The following BCL9 variants were observed in gnomAD, a reference collection of about 807,000 sequenced individuals.
The protein encoded by BCL9 is BCL9 transcription coactivator.
Under a neutral mutation model 88.5 loss-of-function variants are expected in BCL9, and 25 were observed. That is an observed-to-expected ratio of 0.28 (90% CI 0.21 to 0.39). The LOEUF (loss-of-function observed/expected upper bound fraction) is 0.39, where lower values mean the gene tolerates loss of function less well. Ranked by LOEUF, BCL9 falls within the 10% of genes least tolerant of loss-of-function variation. BCL9 has a pLI of 1.00. For synonymous variants in BCL9, 711 were observed against 673.3 expected (o/e 1.06, Z -0.87); for missense variants, 1,817 against 1,877.8 (o/e 0.97, Z 0.60).
intron 1 of BCL9, among the ~76,000 whole-genome samples, chr1:147,573,558 G>T (rs1407254813): frequency 6.6e-6 from 1 of 152,170 alleles, no homozygotes; most frequent in African/African-American, 2.4e-5. Context: ...GTGATTGAGA[G>T]GATAGGCTCC....
At chr1:147,568,227 T>G (rs1233881444) in intron 1 of BCL9, among the ~76,000 whole-genome samples, 4 of 152,208 alleles carry the variant, frequency 2.6e-5, no homozygotes, top group African/African-American at 9.7e-5. Flanking sequence ...GGGGAAGCAT[T>G]GTGGTCAGAT....
At chr1:147,574,829 C>T (rs1452415591) in intron 1 of BCL9, among the ~76,000 whole-genome samples, 1 of 152,086 alleles carries the variant, frequency 6.6e-6, no homozygotes, top group African/African-American at 2.4e-5. Context: ...AACCCTGTGA[C>T]AAAAAAGATA....
rs1322845529 is a variant in BCL9, at chr1:147,547,444, A to G, written c.-478+5770A>G. 3.3e-5 allele frequency among the ~76,000 whole-genome samples: 5 copies of G among 152,174 alleles called. No individual in the cohort carries two copies. In the East Asian group the frequency reaches 9.6e-4, roughly 29 times the overall value. On this transcript the variant is annotated intron_variant, in intron 1 of 9. Transcript: ENST00000234739. ...AGAACTCCAGAGTAAATTTTCTGCC[A>G]TGTTTTAGGAATATCATCTTGCTTG...
rs782552851 is a variant in BCL9, at chr1:147,619,106, C to T, written c.951C>T (p.Val317=). The change falls in exon 8 of 10, where the codon GTC becomes GTT. Residue 317 remains valine (V), a synonymous_variant. Transcript: ENST00000234739. This position sits in a 1 kb window ranked among gnomAD's most constrained non-coding sequence, Gnocchi z 4.1. ...STPNNRAVTP[V]SQGSNSSSAD... ...CCAACAATAGGGCAGTGACCCCTGTCTCCCAGGGGAGCAATAGCTCTTCAG... is the reference window on the plus strand; with the variant it reads ...CCAACAATAGGGCAGTGACCCCTGTTTCCCAGGGGAGCAATAGCTCTTCAG... The T allele has an allele frequency of 8.7e-6, 14 of 1,613,904 alleles. No homozygotes were observed. The highest frequency in any genetic ancestry group is 1.7e-5 in the Admixed American group (1 of 59,974).
chr1:147,585,893 C>T (rs1553199172), intron 1 of BCL9, among the ~76,000 whole-genome samples: 1 of 152,076 alleles, frequency 6.6e-6, no homozygotes, highest in Admixed American at 6.5e-5. Context: ...AGGGACTTGC[C>T]TGGGTTTATA....
At chr1:147,564,299 C>T (rs782684415) in intron 1 of BCL9, among the ~76,000 whole-genome samples, 2 of 151,912 alleles carry the variant, frequency 1.3e-5, no homozygotes, top group Non-Finnish European at 2.9e-5. Flanking sequence ...GTTCTTGATT[C>T]GGTCAGGGTT....
At chr1:147,610,525 T>C (rs1657943311) in intron 3 of BCL9, among the ~76,000 whole-genome samples, 1 of 152,194 alleles carries the variant, frequency 6.6e-6, no homozygotes. Flanking sequence ...TCAAAGTACA[T>C]GTAAGCTGCA....
At chr1:147,593,875 A>T (rs1301948424) in intron 1 of BCL9, among the ~76,000 whole-genome samples, 13 of 152,220 alleles carry the variant, frequency 8.5e-5, no homozygotes, top group African/African-American at 3.1e-4. Flanking sequence ...GACCTAGAGT[A>T]AAATTTGCCT....
chr1:147,618,754 C>A, intron 7 of BCL9, 62 bp from the exon 8 acceptor site: 1 of 1,405,056 alleles, frequency 7.1e-7, no homozygotes, highest in Non-Finnish European at 9.5e-7. Flanking sequence ...ACATATCTTG[C>A]TCTTTTAATT....
rs1553205108 is a variant in BCL9 at position 147,620,587 on chromosome 1, A to G, written c.2432A>G (p.Asn811Ser). ...CCAATTGGGCCCGACCAGAGGACTA[A>G]CAGCCGGCTCAGTCATATGCCACCA... Reference protein sequence around the residue: ...REPIGPDQRTNSRLSHMPPLP... With the variant: ...REPIGPDQRTSSRLSHMPPLP... Residue 811 changes from asparagine (N) to serine (S), a missense_variant, in exon 8 of 10, where the codon AAC (asparagine) becomes AGC (serine). Asn to Ser is a conservative substitution (Grantham distance 46). Coordinates refer to ENST00000234739, the MANE Select transcript of BCL9 (RefSeq NM_004326.4). 1 of 1,614,078 alleles carries G rather than the reference A, an allele frequency of 6.2e-7. No individual in the cohort carries two copies. The highest frequency in any genetic ancestry group is 1.3e-5 in the African/African-American group (1 of 74,928).
intron 1 of BCL9, among the ~76,000 whole-genome samples, chr1:147,585,370 C>A (rs887212940): frequency 2.6e-5 from 4 of 152,040 alleles, no homozygotes; most frequent in Non-Finnish European, 5.9e-5. Flanking sequence ...AAGAGACGGA[C>A]CTCAGGGGTG....
intron 1 of BCL9, among the ~76,000 whole-genome samples, chr1:147,589,608 G>C (rs1178638523): frequency 6.6e-6 from 1 of 152,126 alleles, no homozygotes; most frequent in East Asian, 1.9e-4. Context: ...CTTCTTTCAG[G>C]CTTCTTCTGC....
At position 147,614,712 on chromosome 1, in the gene BCL9, G is replaced by A. The variant is rs1457427659; in HGVS notation, c.560+96G>A. 1.8e-5 allele frequency: 24 copies of A among 1,305,590 alleles called. No individual in the cohort carries two copies. In the Admixed American group the frequency reaches 6.7e-4, roughly 36 times the overall value. 80.9% of individuals were successfully genotyped at this position (1,305,590 alleles called of 1,614,324 possible). ...GATTGATCTTTTATTATCACCTAAAGTTAACAGTACAGATAAAACATAAAA... is the reference window on the plus strand; with the variant it reads ...GATTGATCTTTTATTATCACCTAAAATTAACAGTACAGATAAAACATAAAA... On this transcript the variant is annotated intron_variant, in intron 6 of 9. Transcript: ENST00000234739.
At chr1:147,547,558 T>G (rs1570803865) in intron 1 of BCL9, among the ~76,000 whole-genome samples, 1 of 152,290 alleles carries the variant, frequency 6.6e-6, no homozygotes, top group East Asian at 1.9e-4. Context: ...TGGAAAAAAA[T>G]AGTATGTAAG....
chr1:147,622,076 A>C (rs587753018), intron 8 of BCL9, among the ~76,000 whole-genome samples, 195 bp from the exon 9 acceptor site: 19 of 152,154 alleles, frequency 1.2e-4, no homozygotes, highest in African/African-American at 4.6e-4. Flanking sequence ...TGTCACCTCC[A>C]TATCACACCA....
At chr1:147,606,687 A>T (rs1219412971) in intron 2 of BCL9, 97 bp from the exon 3 acceptor site, 2 of 152,264 alleles carry the variant, frequency 1.3e-5, no homozygotes, top group African/African-American at 4.8e-5. Context: ...TCTGGAATAA[A>T]TAAGAAACCT....
At chr1:147,555,220 T>C (rs782472709) in intron 1 of BCL9, among the ~76,000 whole-genome samples, 9 of 152,110 alleles carry the variant, frequency 5.9e-5, no homozygotes, top group Non-Finnish European at 8.8e-5. Flanking sequence ...AAACTTATGC[T>C]ATCATGCCTC....
At chr1:147,568,393 C>G (rs1655709844) in intron 1 of BCL9, among the ~76,000 whole-genome samples, 1 of 151,536 alleles carries the variant, frequency 6.6e-6, no homozygotes, top group South Asian at 2.1e-4. Context: ...ACAGTGTATT[C>G]TAACTGAAGG....
At position 147,611,606 on chromosome 1, in the gene BCL9, T is replaced by C. The variant is rs782231071; in HGVS notation, c.-231T>C. ...GCCCTGGAGATGCGAGATTTTCCTC[T>C]GGCAGCAGGAGGCACGCACCCAGAG... On this transcript the variant is annotated 5_prime_UTR_variant, in exon 4 of 10. Transcript: ENST00000234739. 2 of 553,950 alleles carry C rather than the reference T, an allele frequency of 3.6e-6. No homozygotes were observed. Among genetic ancestry groups the C allele is most frequent in the Admixed American group, 3.0e-5 (1 of 32,880 alleles). The allele number at this position is 553,950 out of a possible 1,614,324, so 34.3% of individuals were successfully genotyped here. A position where few individuals can be genotyped will look rare whatever the true frequency, so the allele number is the denominator to read the frequency against.
Sources: gnomAD v4.1 joint callset for allele counts (sites outside exome capture counted in the v4.1 genomes callset) on GRCh38, gnomAD v4.1.1 for gene constraint, Gnocchi (gnomAD v3.1) non-coding constraint, MANE v1.5 for transcripts, NCBI Gene and HGNC (gene_info 2026-07-23, HGNC 2026-07-21) for gene names.